Variants in GFRA1 observed in about 807,000 individuals in gnomAD.
GFRA1 encodes the protein GDNF family receptor alpha 1.
A neutral mutation model predicts 51.6 loss-of-function variants in GFRA1; 16 were observed. The ratio of observed to expected loss-of-function variants is 0.31; its 90% confidence interval spans 0.21 to 0.47. The LOEUF is 0.47. GFRA1 is among the 20% of genes least tolerant of loss of function. The pLI, the probability that GFRA1 is intolerant of heterozygous loss-of-function variation, is 1.00. For missense variants in GFRA1, 530 were observed against 594.3 expected (o/e 0.89, Z 1.13); for synonymous variants, 270 against 241.3 (o/e 1.12, Z -1.10).
chr10:116,126,423 T>C (rs951567865), intron 5 of GFRA1, among the ~76,000 whole-genome samples: 3 of 152,226 alleles, frequency 2.0e-5, no homozygotes, highest in African/African-American at 7.2e-5. Flanking sequence ...AGCGAGAGCA[T>C]GGTGGAGGCA....
At chr10:116,121,317 T>C (rs908716350) in intron 6 of GFRA1, among the ~76,000 whole-genome samples, 17 of 152,250 alleles carry the variant, frequency 1.1e-4, no homozygotes, top group African/African-American at 3.4e-4. Context: ...TGTGAGGCTT[T>C]GAAATTCCAT....
chr10:116,169,966 G>T (rs1346449304), intron 5 of GFRA1, among the ~76,000 whole-genome samples: 1 of 152,134 alleles, frequency 6.6e-6, no homozygotes, highest in African/African-American at 2.4e-5. Context: ...TGGTATGGGG[G>T]TTTGTTCCTG....
chr10:116,251,303 G>A (rs918777806), intron 4 of GFRA1, among the ~76,000 whole-genome samples: 1 of 152,194 alleles, frequency 6.6e-6, no homozygotes, highest in African/African-American at 2.4e-5. Context: ...AAAGAATCTT[G>A]ACAAAGCTCC....
chr10:116,179,895 G>A (rs1962042759), intron 5 of GFRA1, among the ~76,000 whole-genome samples: 1 of 152,090 alleles, frequency 6.6e-6, no homozygotes. Flanking sequence ...GAGTTTCCAG[G>A]GTCATTAGCC....
chr10:116,127,163 A>G (rs910388337), intron 5 of GFRA1, among the ~76,000 whole-genome samples: 22 of 152,208 alleles, frequency 1.4e-4, no homozygotes, highest in Admixed American at 1.3e-3. Context: ...TGCAAGATGA[A>G]TAAGTTCTAG....
intron 5 of GFRA1, among the ~76,000 whole-genome samples, chr10:116,173,154 T>C (rs564898713): frequency 6.6e-6 from 1 of 152,342 alleles, no homozygotes; most frequent in African/African-American, 2.4e-5. Flanking sequence ...CTTACATCAA[T>C]ACACATTTAA....
At chr10:116,068,898 C>A (rs552149464) in intron 9 of GFRA1, among the ~76,000 whole-genome samples, 2 of 152,128 alleles carry the variant, frequency 1.3e-5, no homozygotes, top group African/African-American at 4.8e-5. Flanking sequence ...CAAATTGGGA[C>A]GTCCCAGGAA....
At chr10:116,158,556 G>A (rs1223209694) in intron 5 of GFRA1, among the ~76,000 whole-genome samples, 1 of 152,202 alleles carries the variant, frequency 6.6e-6, no homozygotes, top group Admixed American at 6.5e-5. Flanking sequence ...GGGGAAGGCC[G>A]TGGAATGTGG....
At position 116,125,533 on chromosome 10, in the gene GFRA1, T is replaced by C. The variant is rs369929313; in HGVS notation, c.458A>G (p.Asn153Ser). ...GCAGGCCTTCGCTGCATCCAGGCAG[T>C]TGTTCCCTTTGGGAATGTGCTCCAC... is the stretch of plus-strand genomic sequence containing the variant. ...QQVEHIPKGN[N>S]CLDAAKACNL... The change falls in exon 6 of 11, where the codon AAC (asparagine) becomes AGC (serine). Residue 153 changes from asparagine to serine, a missense_variant. Transcript: ENST00000355422. The C allele has an allele frequency of 6.2e-7, 1 of 1,613,742 alleles. No individual in the cohort carries two copies. The highest frequency in any genetic ancestry group is 1.3e-5 in the African/African-American group (1 of 74,944).
intron 5 of GFRA1, among the ~76,000 whole-genome samples, chr10:116,152,269 T>C (rs1015462864): frequency 6.6e-6 from 1 of 152,196 alleles, no homozygotes; most frequent in African/African-American, 2.4e-5. Context: ...TTGGAGGGTA[T>C]TGCAATAAGC....
At chr10:116,100,462 G>A (rs1440421351) in intron 6 of GFRA1, among the ~76,000 whole-genome samples, 1 of 151,970 alleles carries the variant, frequency 6.6e-6, no homozygotes, top group Non-Finnish European at 1.5e-5. Context: ...CACTTAACAG[G>A]TGCATCGCCC....
chr10:116,106,411 G>A (rs567019080), intron 6 of GFRA1, among the ~76,000 whole-genome samples: 1 of 152,312 alleles, frequency 6.6e-6, no homozygotes, highest in Admixed American at 6.5e-5. Flanking sequence ...GACATTCTGG[G>A]CAAGTATCTT....
intron 4 of GFRA1, chr10:116,255,774 C>T: frequency 1.1e-5 from 14 of 1,283,136 alleles, no homozygotes; most frequent in Non-Finnish European, 1.4e-5. Context: ...TGGCCCACCA[C>T]CATCTCCCCA....
At chr10:116,193,346 T>A (rs11197578) in intron 5 of GFRA1, among the ~76,000 whole-genome samples, 22,290 of 152,126 alleles carry the variant, frequency 0.15, 1,947 homozygotes, top group Admixed American at 0.26. Context: ...GTTTTTTGAG[T>A]TGATTCTTAA....
chr10:116,109,675 CAT>C (rs1957131250), intron 6 of GFRA1, among the ~76,000 whole-genome samples: 1 of 152,172 alleles, frequency 6.6e-6, no homozygotes, highest in African/African-American at 2.4e-5. Flanking sequence ...GAGAAACCCG[CAT>C]CCCCAAGCAG....
chr10:116,097,680 T>C (rs1956658267), intron 6 of GFRA1, among the ~76,000 whole-genome samples: 1 of 152,192 alleles, frequency 6.6e-6, no homozygotes. Context: ...TCTGTTTCTA[T>C]GGAAGAACAC....
chr10:116,128,597 G>A (rs986990370), intron 5 of GFRA1, among the ~76,000 whole-genome samples: 1 of 151,990 alleles, frequency 6.6e-6, no homozygotes, highest in South Asian at 2.1e-4. Context: ...TTGGTGGCGG[G>A]CGCCTGTAGT....
intron 5 of GFRA1, among the ~76,000 whole-genome samples, chr10:116,158,108 G>C (rs903943613): frequency 6.6e-6 from 1 of 152,158 alleles, no homozygotes; most frequent in Non-Finnish European, 1.5e-5. Context: ...TCCCTGAACT[G>C]TGTTGATGCA....
chr10:116,153,358 T>G (rs747947922), intron 5 of GFRA1, among the ~76,000 whole-genome samples: 17 of 152,118 alleles, frequency 1.1e-4, no homozygotes, highest in Non-Finnish European at 2.4e-4. Flanking sequence ...AGAGCAAGAG[T>G]AGGTTTGTGC....
Sources: allele counts gnomAD v4.1 joint callset (sites outside exome capture counted in the v4.1 genomes callset), GRCh38; gene constraint gnomAD v4.1.1; transcripts MANE v1.5; gene names NCBI Gene and HGNC (gene_info 2026-07-23, HGNC 2026-07-21).